Variants in RNF212 observed in about 807,000 individuals in gnomAD.
RNF212 encodes the protein probable E3 SUMO-protein ligase RNF212.
A neutral mutation model predicts 34.7 loss-of-function variants in RNF212; 33 were observed. The ratio of observed to expected loss-of-function variants is 0.95; its 90% CI spans 0.72 to 1.27. The LOEUF (loss-of-function observed/expected upper bound fraction) is 1.27, where lower values mean the gene tolerates loss of function less well. RNF212 is among the 50% of genes most tolerant of loss of function. RNF212 has a pLI of 0.00. For synonymous variants in RNF212, 140 were observed against 136.1 expected, an observed-to-expected ratio of 1.03 and a Z score of -0.20; for missense variants, 377 against 362.2, an observed-to-expected ratio of 1.04 and a Z score of -0.33.
chr4:1,094,344 C>G (rs750792868), intron 3 of RNF212, among the ~76,000 whole-genome samples: 3 of 152,052 alleles, frequency 2.0e-5, no homozygotes, highest in Non-Finnish European at 4.4e-5. Flanking sequence ...CCAAGGAGGC[C>G]AGAAGTGCCA....
At chr4:1,107,104 T>A in intron 2 of RNF212, 2 of 151,680 alleles carry the variant, frequency 1.3e-5, no homozygotes, top group Admixed American at 1.3e-4. Flanking sequence ...CAGGCTGGAG[T>A]GCAGTGGTGT....
chr4:1,079,553 C>G (rs1363357348), intron 8 of RNF212, 90 bp downstream of exon 8: 2 of 889,206 alleles, frequency 2.2e-6, no homozygotes, highest in Non-Finnish European at 3.8e-6. Context: ...TCTACTGTTG[C>G]ACGAGAGGTT....
At chr4:1,100,935 T>C (rs1577798339) in intron 2 of RNF212, 1 of 172,232 alleles carries the variant, frequency 5.8e-6, no homozygotes, top group East Asian at 1.5e-4. Context: ...AGATGTGTTA[T>C]AGCTGTTCAG....
intron 2 of RNF212, among the ~76,000 whole-genome samples, chr4:1,097,776 T>TGAGCAGTCCA (rs1479344620): frequency 1.3e-5 from 2 of 152,118 alleles, no homozygotes; most frequent in African/African-American, 4.8e-5. Flanking sequence ...TAGAATCGCT[T>TGAGCAGTCCA]GAGCAGTCCA....
At chr4:1,097,373 G>C (rs1440608193) in intron 2 of RNF212, among the ~76,000 whole-genome samples, 2 of 152,176 alleles carry the variant, frequency 1.3e-5, no homozygotes, top group Non-Finnish European at 2.9e-5. Context: ...GGGAGGCCGA[G>C]GCGGGCGGAT....
intron 9 of RNF212, 39 bp downstream of exon 9, chr4:1,073,560 T>C (rs1442811009): frequency 7.3e-7 from 1 of 1,368,324 alleles, no homozygotes; most frequent in South Asian, 1.2e-5. Flanking sequence ...TTTTAATCGA[T>C]GCATGTATCG....
intron 3 of RNF212, among the ~76,000 whole-genome samples, chr4:1,062,078 G>A (rs187593744): frequency 1.3e-5 from 2 of 152,222 alleles, no homozygotes; most frequent in Admixed American, 1.3e-4. Flanking sequence ...CACAAAAACA[G>A]AAATGCTAAA....
intron 8 of RNF212, 115 bp downstream of exon 8, chr4:1,079,528 A>G: frequency 1.3e-6 from 1 of 786,380 alleles, no homozygotes; most frequent in East Asian, 2.4e-5. Context: ...AAGCAGCAGC[A>G]CTGTGCAAAG....
intron 4 of RNF212, among the ~76,000 whole-genome samples, chr4:1,090,035 A>G (rs1009219166): frequency 2.0e-5 from 3 of 150,400 alleles, no homozygotes; most frequent in Non-Finnish European, 4.4e-5. Context: ...ACGGGATGGG[A>G]TGGGGTGACA....
chr4:1,100,055 C>T (rs1577792905), intron 2 of RNF212: 18 of 363,114 alleles, frequency 5.0e-5, no homozygotes, highest in South Asian at 3.7e-4. Flanking sequence ...GTACTGGCTA[C>T]AGCACGATAC....
intron 3 of RNF212, among the ~76,000 whole-genome samples, chr4:1,063,711 AG>A (rs1717900062): frequency 6.7e-6 from 1 of 150,334 alleles, no homozygotes; most frequent in Non-Finnish European, 1.5e-5. Flanking sequence ...AAAAAAAAAA[AG>A]AAAAAAGAAA....
intron 1 of RNF212, among the ~76,000 whole-genome samples, chr4:1,108,811 CT>C (rs1329744150): frequency 6.6e-6 from 1 of 152,128 alleles, no homozygotes. Flanking sequence ...CAGTCTTCCC[CT>C]CTCAGCCTCC....
chr4:1,113,310 T>C (rs1407523421), intron 1 of RNF212, 46 bp downstream of exon 1: 1 of 429,818 alleles, frequency 2.3e-6, no homozygotes, highest in East Asian at 2.5e-4. Context: ...CCTGACCCCC[T>C]TGCCGCTCCC....
intron 8 of RNF212, among the ~76,000 whole-genome samples, chr4:1,076,649 C>T (rs575371055): frequency 1.2e-4 from 19 of 152,282 alleles, no homozygotes; most frequent in African/African-American, 2.9e-4. Flanking sequence ...GCAGGGAGGA[C>T]GGGAGCTCTT....
At chr4:1,087,660 G>C (rs1479574191) in intron 4 of RNF212, among the ~76,000 whole-genome samples, 1 of 150,216 alleles carries the variant, frequency 6.7e-6, no homozygotes, top group Non-Finnish European at 1.5e-5. Context: ...GTATGATATG[G>C]TTTGGCTGTG....
Position 1,085,906 on chromosome 4 carries a change from G to C in RNF212, c.352C>G (p.Gln118Glu), listed in dbSNP as rs751645312. The change falls in exon 5 of 10, where the codon CAA (glutamine) becomes GAA (glutamate). Residue 118 changes from glutamine (Q) to glutamate (E), a missense_variant. Gln to Glu is a conservative substitution (Grantham distance 29). Transcript: ENST00000433731. ...GGTGGGGCGCCTTACCTTTGTAGTT[G>C]TTCTATCTGCAGCACTGACTTCCTA... ...SLRKSVLQIE[Q>E]LQSMRSSQQT... is the part of the protein sequence containing the mutation. 5 of 1,611,890 alleles carry C rather than the reference G, an allele frequency of 3.1e-6. No individual in the cohort carries two copies. Among genetic ancestry groups the C allele is most frequent in the Non-Finnish European group, 4.2e-6 (5 of 1,178,690 alleles).
intron 9 of RNF212, 120 bp downstream of exon 9, chr4:1,073,479 G>T (rs2290408): frequency 0.78 from 632,552 of 815,690 alleles, 247,899 homozygotes; most frequent in African/African-American, 0.95. Flanking sequence ...CCCATGCACC[G>T]GGTGGAAGGA....
chr4:1,112,757 C>T (rs1725910736), intron 1 of RNF212, among the ~76,000 whole-genome samples: 1 of 134,260 alleles, frequency 7.4e-6, no homozygotes. Context: ...CCTGCGGACC[C>T]TCCCCCACGC....
intron 2 of RNF212, chr4:1,100,153 G>C: frequency 3.0e-6 from 1 of 334,390 alleles, no homozygotes; most frequent in Non-Finnish European, 5.9e-6. Context: ...CTTGCTGCCT[G>C]TGTGGACTTT....
Sources: allele counts gnomAD v4.1 joint callset (sites outside exome capture counted in the v4.1 genomes callset), GRCh38; gene constraint gnomAD v4.1.1; transcripts MANE v1.5; gene names NCBI Gene and HGNC (gene_info 2026-07-23, HGNC 2026-07-21).